The following VWA5B1 variants were observed in gnomAD, a reference collection of about 807,000 sequenced individuals.
The protein encoded by VWA5B1 is von Willebrand factor A domain containing 5B1, also known as von Willebrand factor A domain-containing protein 5B1.
Under a neutral mutation model 118.2 loss-of-function variants are expected in VWA5B1, and 115 were observed. The observed-to-expected ratio is 0.97, with a 90% CI of 0.84 to 1.14. The LOEUF (loss-of-function observed/expected upper bound fraction) is 1.14, where lower values mean the gene tolerates loss of function less well. VWA5B1 is among the 50% of genes most tolerant of loss of function. The probability of loss-of-function intolerance (pLI) is 0.00; values close to 1 mark genes in which losing one functional copy is unlikely to be tolerated. For synonymous variants in VWA5B1, 682 were observed against 658.4 expected, an observed-to-expected ratio of 1.04 and a Z score of -0.55; for missense variants, 1,596 against 1,603.8, an observed-to-expected ratio of 1.00 and a Z score of 0.08.
intron 12 of VWA5B1, among the ~76,000 whole-genome samples, chr1:20,333,639 A>G (rs1468516953): frequency 6.6e-6 from 1 of 151,884 alleles, no homozygotes; most frequent in Non-Finnish European, 1.5e-5. Context: ...TTCTCCACAC[A>G]CTCTAGTAAG....
At chr1:20,330,519 A>G (rs1042866263) in intron 10 of VWA5B1, 137 bp downstream of exon 10, 2 of 1,106,624 alleles carry the variant, frequency 1.8e-6, no homozygotes, top group African/African-American at 3.1e-5. Flanking sequence ...CTTCCAAGAT[A>G]GTGTGGGCTG....
Position 20,328,008 on chromosome 1 carries a change from G to A in VWA5B1, c.1254+8G>A, listed in dbSNP as rs1348092876. The A allele has an allele frequency of 1.3e-6, 2 of 1,550,820 alleles. No individual in the cohort carries two copies. Among genetic ancestry groups the A allele is most frequent in the South Asian group, 1.2e-5 (1 of 84,030 alleles). ...AGCCAGACCTACAGTGAGGTAATGAGGGGGCAAGGCTGGGACCAGGAGGGT... is the reference window on the plus strand; with the variant it reads ...AGCCAGACCTACAGTGAGGTAATGAAGGGGCAAGGCTGGGACCAGGAGGGT... On this transcript the variant is annotated splice_region_variant and intron_variant, in intron 9 of 21. Transcript: ENST00000289815.
rs182747947 is a variant in VWA5B1 at position 20,329,347 on chromosome 1, G to A, written c.1255-833G>A. On this transcript the variant is annotated intron_variant, in intron 9 of 21. Coordinates refer to ENST00000289815, the MANE Select transcript of VWA5B1 (RefSeq NM_001039500.3). ...GGAGTCTCTCTTTCTCTGTCACCCAGGCTGGAGTGCAGTGGTGCGATCTTG... is the reference window on the plus strand; with the variant it reads ...GGAGTCTCTCTTTCTCTGTCACCCAAGCTGGAGTGCAGTGGTGCGATCTTG... Among the ~76,000 whole-genome samples the A allele has an allele frequency of 4.1e-4, 50 of 120,696 alleles. No individual in the cohort carries two copies. The East Asian group carries it at 0.011, about 27-fold the overall frequency. The allele number at this position is 120,696 out of a possible 152,430, so 79.2% of individuals were successfully genotyped here.
chr1:20,341,628 C>T (rs1007834319), intron 14 of VWA5B1, among the ~76,000 whole-genome samples: 1 of 152,202 alleles, frequency 6.6e-6, no homozygotes, highest in African/African-American at 2.4e-5. Flanking sequence ...ACACATTATT[C>T]TATTAAGTTA....
At chr1:20,350,954 C>A (rs1384425576) in intron 20 of VWA5B1, 28 bp downstream of exon 20, 4 of 1,548,252 alleles carry the variant, frequency 2.6e-6, no homozygotes, top group Non-Finnish European at 3.5e-6. Context: ...TAAAGGTACA[C>A]TCTCCTGCCA....
rs371978257 is a variant in VWA5B1 at position 20,354,158 on chromosome 1, G to T, written c.3543G>T (p.Thr1181=). 5.2e-6 allele frequency: 8 copies of T among 1,551,328 alleles called. No homozygotes were observed. In the South Asian group the frequency reaches 8.3e-5, roughly 16 times the overall value. Residue 1181 remains threonine, a synonymous_variant, in exon 22 of 22, where the codon ACG becomes ACT. Coordinates refer to ENST00000289815, the MANE Select transcript of VWA5B1 (RefSeq NM_001039500.3). ...LEQQEVPEGR[T]QGTLKAAARQ... Reference sequence around the variant, plus strand: ...AGCAGGAAGTACCCGAGGGCCGCACGCAGGGCACACTCAAGGCCGCTGCCC... The same window carrying T: ...AGCAGGAAGTACCCGAGGGCCGCACTCAGGGCACACTCAAGGCCGCTGCCC...
rs544818737 is a variant in VWA5B1 at position 20,358,948 on chromosome 1, C to T, written c.*4685C>T. Among the ~76,000 whole-genome samples the T allele has an allele frequency of 1.5e-4, 23 of 152,336 alleles. No homozygotes were observed. Among genetic ancestry groups the T allele is most frequent in the Middle Eastern group, 3.4e-3 (1 of 294 alleles). On this transcript the variant is annotated 3_prime_UTR_variant, in exon 22 of 22. Transcript: ENST00000289815. ...CCTGGCCACGCCTACAGCTCCCAAC[C>T]GTGGACCTCTCTGCCCTGTGTGTCC...
rs553987309 is a variant in VWA5B1, at chr1:20,337,328, A to G, written c.1943-318A>G. On this transcript the variant is annotated intron_variant, in intron 13 of 21. Coordinates refer to ENST00000289815, the MANE Select transcript of VWA5B1 (RefSeq NM_001039500.3). The stretch of plus-strand genomic sequence containing the variant: ...TTTTTTGTAGAGACAGGGTTTCGCC[A>G]TGTAGCCCAGGCTGGTCTGGAACTC... Among the ~76,000 whole-genome samples, 10 of 152,138 alleles carry G rather than the reference A, an allele frequency of 6.6e-5. No homozygotes were observed. In the South Asian group the frequency reaches 1.9e-3, roughly 29 times the overall value.
At chr1:20,338,315 T>C in intron 14 of VWA5B1, 1 of 344,622 alleles carries the variant, frequency 2.9e-6, no homozygotes, top group South Asian at 2.3e-5. Context: ...CCAGGGGATA[T>C]ACATTTACCC....
In VWA5B1 at chr1:20,355,728, G is replaced by A. The variant is rs1482669127; in HGVS notation, c.*1465G>A. 1.3e-5 allele frequency among the ~76,000 whole-genome samples: 2 copies of A among 152,238 alleles called. No homozygotes were observed. The highest frequency in any genetic ancestry group is 2.9e-5 in the Non-Finnish European group (2 of 68,036). On this transcript the variant is annotated 3_prime_UTR_variant, in exon 22 of 22. Coordinates refer to ENST00000289815, the MANE Select transcript of VWA5B1 (RefSeq NM_001039500.3). ...TCCAGCAGGGGCTGGAGTCAGGGAG[G>A]AGGCTCCAGCAGAACGCCCACTGGG...
chr1:20,334,781 A>C (rs1010539465), intron 12 of VWA5B1, among the ~76,000 whole-genome samples: 1 of 152,218 alleles, frequency 6.6e-6, no homozygotes, highest in African/African-American at 2.4e-5. Flanking sequence ...ACTGCACTCC[A>C]GCCTGGGGGA....
rs1033151990 is a variant in VWA5B1, at chr1:20,355,999, G to A, written c.*1736G>A. Among the ~76,000 whole-genome samples the A allele has an allele frequency of 5.9e-5, 9 of 152,226 alleles. No homozygotes were observed. Among genetic ancestry groups the A allele is most frequent in the African/African-American group, 1.7e-4 (7 of 41,462 alleles). ...AGGTGGGGCAGGATGCCAATCTGGGGTGTTGGCTCAAAGTCAGTGCCACCA... is the reference window on the plus strand; with the variant it reads ...AGGTGGGGCAGGATGCCAATCTGGGATGTTGGCTCAAAGTCAGTGCCACCA... On this transcript the variant is annotated 3_prime_UTR_variant, in exon 22 of 22. Coordinates refer to ENST00000289815, the MANE Select transcript of VWA5B1 (RefSeq NM_001039500.3).
rs1193066898 is a variant in VWA5B1, at chr1:20,337,639, T to G, written c.1943-7T>G. 1.3e-6 allele frequency: 2 copies of G among 1,549,578 alleles called. No individual in the cohort carries two copies. Among genetic ancestry groups the G allele is most frequent in the Admixed American group, 3.9e-5 (2 of 50,832 alleles). On this transcript the variant is annotated splice_polypyrimidine_tract_variant and splice_region_variant and intron_variant, in intron 13 of 21. Transcript: ENST00000289815. ...TCTGATGGTTCCCCATCACTATCCC[T>G]GTCCAGATCTGAACCTCTCTCAGCG...
At position 20,312,984 on chromosome 1, in the gene VWA5B1, C is replaced by G. The variant is rs1406969374; in HGVS notation, c.288C>G (p.Val96=). The G allele has an allele frequency of 7.1e-6, 11 of 1,551,392 alleles. No homozygotes were observed. The highest frequency in any genetic ancestry group is 2.6e-6 in the Non-Finnish European group (3 of 1,146,940). Residue 96 remains valine (V), a synonymous_variant, in exon 3 of 22, where the codon GTC becomes GTG. Coordinates refer to ENST00000289815, the MANE Select transcript of VWA5B1 (RefSeq NM_001039500.3). ...CCTCCCATGTTCGATCCCCAACAGT[C>G]ACAGGTAAGGAGACCAGAAGGGCTG... ...FDASHVRSPT[V]TGNILQDGVS...
At chr1:20,336,199 G>A in intron 12 of VWA5B1, 104 bp from the exon 13 acceptor site, 4 of 1,047,958 alleles carry the variant, frequency 3.8e-6, no homozygotes, top group African/African-American at 1.6e-5. Flanking sequence ...TGTTTCTTCA[G>A]AGATGAAAAC....
chr1:20,298,005 T>C (rs1312913105), intron 1 of VWA5B1, among the ~76,000 whole-genome samples: 1 of 148,922 alleles, frequency 6.7e-6, no homozygotes, highest in Non-Finnish European at 1.5e-5. Flanking sequence ...GATTTTTTTT[T>C]TTTTTTTTTT....
At position 20,312,936 on chromosome 1, in the gene VWA5B1, G is replaced by A; in HGVS notation, c.240G>A (p.Lys80=). 3 of 1,551,698 alleles carry A rather than the reference G, an allele frequency of 1.9e-6. No homozygotes were observed. The highest frequency in any genetic ancestry group is 2.4e-5 in the East Asian group (1 of 40,906). Residue 80 remains lysine (K), a synonymous_variant, in exon 3 of 22, where the codon AAG becomes AAA. Coordinates refer to ENST00000289815, the MANE Select transcript of VWA5B1 (RefSeq NM_001039500.3). ...VVTVQIKDKA[K]LESGHFDASH... is the part of the protein sequence containing the mutation. ...CAGTACAGATCAAGGACAAAGCCAA[G>A]CTGGAGAGCGGCCACTTCGATGCCT...
Position 20,323,445 on chromosome 1 carries a change from G to T in VWA5B1, c.1056G>T (p.Gln352His). The change falls in exon 8 of 22, where the codon CAG (glutamine) becomes CAT (histidine). Residue 352 changes from glutamine to histidine, a missense_variant. Gln to His is a conservative substitution (Grantham distance 24, BLOSUM62 0). Transcript: ENST00000289815. ...TCTGTCCCGACCTCCAGTCAGTCCAGCCGTGCCTGAGAAAGGCCCACGGGG... is the reference window on the plus strand; with the variant it reads ...TCTGTCCCGACCTCCAGTCAGTCCATCCGTGCCTGAGAAAGGCCCACGGGG... ...LNFCPDLQSVQPCLRKAHGEF... is the reference protein window; with the variant it reads ...LNFCPDLQSVHPCLRKAHGEF... The T allele has an allele frequency of 6.5e-7, 1 of 1,538,892 alleles. No homozygotes were observed. Among genetic ancestry groups the T allele is most frequent in the Non-Finnish European group, 8.8e-7 (1 of 1,141,512 alleles).
chr1:20,293,078 C>T (rs1254483685), intron 1 of VWA5B1, among the ~76,000 whole-genome samples: 1 of 152,142 alleles, frequency 6.6e-6, no homozygotes, highest in Non-Finnish European at 1.5e-5. Flanking sequence ...GCAAAGTTGT[C>T]CTAGCTGGGA....
Sources: gnomAD v4.1 joint callset for allele counts (sites outside exome capture counted in the v4.1 genomes callset) on GRCh38, gnomAD v4.1.1 for gene constraint, MANE v1.5 for transcripts, NCBI Gene and HGNC (gene_info 2026-07-23, HGNC 2026-07-21) for gene names.